Variants in APLF observed in about 807,000 individuals in gnomAD.
APLF encodes aprataxin and PNKP like factor, also known as aprataxin and PNK-like factor.
Under a neutral mutation model 55.6 loss-of-function variants are expected in APLF, and 61 were observed. The ratio of observed to expected loss-of-function variants is 1.10; its 90% CI spans 0.89 to 1.36. The LOEUF is 1.36. Among genes scored for constraint, APLF ranks in the 40% most tolerant of loss-of-function variants. The pLI is 0.00. For missense variants in APLF, 611 were observed against 602.5 expected (o/e 1.01, Z -0.15); for synonymous variants, 207 against 214.8 (o/e 0.96, Z 0.32).
chr2:68,522,747 G>C (rs982249124), intron 5 of APLF, among the ~76,000 whole-genome samples: 2 of 151,842 alleles, frequency 1.3e-5, no homozygotes, highest in Non-Finnish European at 2.9e-5. Context: ...AGTTCAAACT[G>C]ATGGAGAAAG....
intron 2 of APLF, among the ~76,000 whole-genome samples, chr2:68,493,351 C>T (rs1649436696): frequency 6.6e-6 from 1 of 152,048 alleles, no homozygotes; most frequent in South Asian, 2.1e-4. Context: ...ATCCCTACTG[C>T]AGACCCAAAA....
chr2:68,507,997 G>C (rs1029778726), intron 3 of APLF, among the ~76,000 whole-genome samples: 3 of 151,662 alleles, frequency 2.0e-5, no homozygotes, highest in Non-Finnish European at 4.4e-5. Context: ...ATGATAGTAT[G>C]ATAATATGCA....
At position 68,529,975 on chromosome 2, in the gene APLF, C is replaced by T. The variant is rs1441489474; in HGVS notation, c.804+3733C>T. Among the ~76,000 whole-genome samples the T allele has an allele frequency of 2.0e-5, 3 of 152,236 alleles. No homozygotes were observed. Among genetic ancestry groups the T allele is most frequent in the African/African-American group, 7.2e-5 (3 of 41,462 alleles). ...CGCCTGGAGCCAGGCCCGCCTTCTCCATGGCTGCTGTGGCCTCAAGGGCCA... is the reference window on the plus strand; with the variant it reads ...CGCCTGGAGCCAGGCCCGCCTTCTCTATGGCTGCTGTGGCCTCAAGGGCCA... On this transcript the variant is annotated intron_variant, in intron 6 of 9. Coordinates refer to ENST00000303795, the MANE Select transcript of APLF (RefSeq NM_173545.3). This position sits in a 1 kb window ranked among gnomAD's most constrained non-coding sequence, Gnocchi z 4.4.
intron 1 of APLF, among the ~76,000 whole-genome samples, chr2:68,486,558 G>A (rs530933095): frequency 6.6e-6 from 1 of 152,186 alleles, no homozygotes; most frequent in South Asian, 2.1e-4. Context: ...TTTGCCACCT[G>A]ATTTTCTCTG....
chr2:68,506,752 T>C (rs182582816), intron 3 of APLF, among the ~76,000 whole-genome samples: 13 of 152,060 alleles, frequency 8.5e-5, no homozygotes, highest in Middle Eastern at 3.4e-3. Context: ...TAGCACTCAT[T>C]TGAATTGTGA....
At position 68,493,430 on chromosome 2, in the gene APLF, C is replaced by A. The variant is rs920756912; in HGVS notation, c.168+3169C>A. Among the ~76,000 whole-genome samples the A allele has an allele frequency of 3.9e-5, 6 of 152,148 alleles. No homozygotes were observed. The South Asian group carries it at 1.2e-3, about 32-fold the overall frequency. On this transcript the variant is annotated intron_variant, in intron 2 of 9. Coordinates refer to ENST00000303795, the MANE Select transcript of APLF (RefSeq NM_173545.3). ...TCTTAGAATATAATATAGGGAAAAA[C>A]CCTTATGACTTTAGAGTAGGGAAGG...
rs1368236995 is a variant in APLF at position 68,550,302 on chromosome 2, GCT to G, written c.1286+4995_1286+4996del. 5.3e-5 allele frequency among the ~76,000 whole-genome samples: 8 copies of G among 152,134 alleles called. No homozygotes were observed. The South Asian group carries it at 6.2e-4, about 12-fold the overall frequency. On this transcript the variant is annotated intron_variant, in intron 8 of 9. Transcript: ENST00000303795. ...GCTGGGGTGCAGTGGCGCAATCTCG[GCT>G]CTCTGCAATCTCCGCCTTCCAGGTT...
intron 5 of APLF, among the ~76,000 whole-genome samples, chr2:68,518,068 A>G (rs1027806533): frequency 1.5e-5 from 2 of 135,210 alleles, no homozygotes; most frequent in East Asian, 4.4e-4. Context: ...TATATAATAT[A>G]TCATTAGTAT....
chr2:68,503,966 G>C (rs1294556449), intron 3 of APLF, among the ~76,000 whole-genome samples: 1 of 151,950 alleles, frequency 6.6e-6, no homozygotes, highest in Non-Finnish European at 1.5e-5. Flanking sequence ...AGAAAAAAGT[G>C]AGAAAACACA....
In APLF at chr2:68,526,065, T is replaced by C. The variant is rs375793311; in HGVS notation, c.627T>C (p.Asn209=). The C allele has an allele frequency of 6.2e-7, 1 of 1,611,712 alleles. No homozygotes were observed. Among genetic ancestry groups the C allele is most frequent in the South Asian group, 1.1e-5 (1 of 90,674 alleles). The change falls in exon 6 of 10, where the codon AAT becomes AAC. Residue 209 remains asparagine (N), a synonymous_variant. Transcript: ENST00000303795. ...NLSVPAISGG[N]VIQGSGKEEI... ...CTTTTTCTTTATGTGTTTAAGGTAA[T>C]GTAATCCAGGGAAGTGGAAAAGAAG...
chr2:68,517,317 AAT>A (rs1486333273), intron 5 of APLF, among the ~76,000 whole-genome samples: 15 of 122,938 alleles, frequency 1.2e-4, no homozygotes, highest in South Asian at 7.2e-4. Flanking sequence ...ATAATATATT[AAT>A]ATATGTCATT....
chr2:68,517,995 G>A (rs1013812776), intron 5 of APLF, among the ~76,000 whole-genome samples: 6 of 136,900 alleles, frequency 4.4e-5, no homozygotes, highest in Admixed American at 7.6e-5. Flanking sequence ...ACTAATATGT[G>A]TTAATATATA....
chr2:68,542,854 C>A (rs1340483077), intron 7 of APLF, among the ~76,000 whole-genome samples: 6 of 152,088 alleles, frequency 3.9e-5, no homozygotes, highest in Non-Finnish European at 8.8e-5. Context: ...GAGTTCATAG[C>A]AGCACTATAT....
rs386390398 is a variant in APLF, at chr2:68,525,742, C to CTTTTTTTTTTTTTTTTTTTTTT, written c.623-315_623-294dup. ...TTTATCCTTTTTATTTTCTTTCTTT[C>CTTTTTTTTTTTTTTTTTTTTTT]TTTTTTTTTTTTTTTTTTTTTTTTT... On this transcript the variant is annotated intron_variant, in intron 5 of 9. Transcript: ENST00000303795. 2.7e-4 allele frequency among the ~76,000 whole-genome samples: 22 copies of CTTTTTTTTTTTTTTTTTTTTTT among 82,022 alleles called. 2 individuals are homozygous for CTTTTTTTTTTTTTTTTTTTTTT. The highest frequency in any genetic ancestry group is 1.2e-3 in the African/African-American group (20 of 16,186). 53.8% of individuals were successfully genotyped at this position (82,022 alleles called of 152,430 possible).
intron 7 of APLF, among the ~76,000 whole-genome samples, chr2:68,541,621 T>C (rs987821465): frequency 3.3e-5 from 5 of 152,164 alleles, no homozygotes; most frequent in African/African-American, 4.8e-5. Flanking sequence ...ACAGTAAATA[T>C]TTTTGGCTTC....
In APLF at chr2:68,523,559, A is replaced by T. The variant is rs114008677; in HGVS notation, c.623-2502A>T. On this transcript the variant is annotated intron_variant, in intron 5 of 9. Transcript: ENST00000303795. The stretch of plus-strand genomic sequence containing the variant: ...TGAGAAATATACGCATGCAATAGTT[A>T]ATATAGCTGTTTGGGAGTAGTTCCT... Among the ~76,000 whole-genome samples the T allele has an allele frequency of 7.8e-3, 1,185 of 152,014 alleles. 14 individuals carry two copies. The highest frequency in any genetic ancestry group is 0.027 in the African/African-American group (1,131 of 41,518).
chr2:68,576,389 C>T (rs969770307), intron 9 of APLF, among the ~76,000 whole-genome samples: 1 of 152,054 alleles, frequency 6.6e-6, no homozygotes, highest in Non-Finnish European at 1.5e-5. Flanking sequence ...GCTGTATATA[C>T]AGATATATGT....
In APLF at chr2:68,545,328, G is replaced by A; in HGVS notation, c.1286+16G>A. 4 of 1,601,970 alleles carry A rather than the reference G, an allele frequency of 2.5e-6. No homozygotes were observed. Among genetic ancestry groups the A allele is most frequent in the Non-Finnish European group, 3.4e-6 (4 of 1,173,946 alleles). ...CCTGTTATAGGTATAGAAACTGAAT[G>A]TTTGGCTGCACTCCTTTTCTTTCTT... On this transcript the variant is annotated intron_variant, in intron 8 of 9. Transcript: ENST00000303795.
At position 68,513,569 on chromosome 2, in the gene APLF, G is replaced by T; in HGVS notation, c.511G>T (p.Asp171Tyr). The T allele has an allele frequency of 6.2e-7, 1 of 1,611,118 alleles. No individual in the cohort carries two copies. The highest frequency in any genetic ancestry group is 1.1e-5 in the South Asian group (1 of 90,922). ...NSVSFLGENRDCNKQQPILAE... is the reference protein window; with the variant it reads ...NSVSFLGENRYCNKQQPILAE... ...TTAGTCTTTCCTAGGTGAAAATAGA[G>T]ACTGCAATAAGCAGCAGCCAATCCT... Residue 171 changes from aspartate to tyrosine, a missense_variant, in exon 5 of 10, where the codon GAC becomes TAC. Transcript: ENST00000303795.
Sources: gnomAD v4.1 joint callset for allele counts (sites outside exome capture counted in the v4.1 genomes callset) on GRCh38, gnomAD v4.1.1 for gene constraint, Gnocchi (gnomAD v3.1) non-coding constraint, MANE v1.5 for transcripts, NCBI Gene and HGNC (gene_info 2026-07-23, HGNC 2026-07-21) for gene names.